MTOR: variants seen among roughly 807,000 people sequenced by gnomAD.
MTOR encodes serine/threonine-protein kinase mTOR.
Under a neutral mutation model 319.8 loss-of-function variants are expected in MTOR, and 70 were observed. The observed-to-expected ratio is 0.22, with a 90% CI of 0.18 to 0.27. MTOR has a LOEUF of 0.27. Among genes scored for constraint, MTOR ranks in the 10% least tolerant of loss-of-function variants. MTOR has a pLI of 1.00. For missense variants in MTOR, 1,890 were observed against 3,274.4 expected (o/e 0.58, Z 10.32); for synonymous variants, 1,183 against 1,211.4 (o/e 0.98, Z 0.49).
intron 28 of MTOR, among the ~76,000 whole-genome samples, chr1:11,186,480 A>C (rs1645327925): frequency 6.6e-6 from 1 of 152,216 alleles, no homozygotes. Context: ...CTTAATTTTC[A>C]TAAACACCTT....
intron 28 of MTOR, among the ~76,000 whole-genome samples, chr1:11,172,418 C>A (rs1373781632): frequency 6.8e-6 from 1 of 147,448 alleles, no homozygotes; most frequent in East Asian, 2.0e-4. Context: ...GTTAGCCAGG[C>A]ATGGTGGTGG....
In MTOR at chr1:11,128,685, C is replaced by CTAAAAGAAA; in HGVS notation, c.5812-142_5812-134dup. The CTAAAAGAAA allele has an allele frequency of 9.0e-7, 1 of 1,108,200 alleles. No individual in the cohort carries two copies. The highest frequency in any genetic ancestry group is 1.3e-6 in the Non-Finnish European group (1 of 762,906). 68.6% of individuals were successfully genotyped at this position (1,108,200 alleles called of 1,614,324 possible). A position where few individuals can be genotyped will look rare whatever the true frequency, so the allele number is the denominator to read the frequency against. On this transcript the variant is annotated intron_variant, in intron 41 of 57. Transcript: ENST00000361445. The surrounding 1 kb of genome is among the most constrained non-coding windows in gnomAD (Gnocchi z 5.3). ...TGGTTCATTCCCTTCCCTTTAGTTT[C>CTAAAAGAAA]TAAAAGAAAATAAAGAAAATATGGA... is the stretch of plus-strand genomic sequence containing the variant.
At chr1:11,155,626 C>T (rs1644292118) in intron 30 of MTOR, among the ~76,000 whole-genome samples, 1 of 152,180 alleles carries the variant, frequency 6.6e-6, no homozygotes, top group Non-Finnish European at 1.5e-5. Flanking sequence ...TAAAATCCCC[C>T]ATACTGTGCT....
intron 38 of MTOR, chr1:11,131,711 A>T (rs1358308754): frequency 6.6e-6 from 1 of 152,210 alleles, no homozygotes; most frequent in Non-Finnish European, 1.5e-5. Context: ...ACAGCGTACC[A>T]CCACTTGGTT....
At chr1:11,159,320 G>A (rs1644404616) in intron 29 of MTOR, among the ~76,000 whole-genome samples, 1 of 152,176 alleles carries the variant, frequency 6.6e-6, no homozygotes, top group Non-Finnish European at 1.5e-5. Context: ...ATCATCTGGA[G>A]AAATGCTGTC....
chr1:11,191,497 C>T (rs1645529135), intron 28 of MTOR, among the ~76,000 whole-genome samples: 1 of 152,156 alleles, frequency 6.6e-6, no homozygotes, highest in Admixed American at 6.5e-5. Context: ...ACATAGCAGG[C>T]AGGAAGCTTC....
intron 54 of MTOR, 143 bp downstream of exon 54, chr1:11,112,709 A>G (rs1641953809): frequency 1.2e-6 from 1 of 829,340 alleles, no homozygotes. Flanking sequence ...ACTGAAGCCC[A>G]CCCCACTCTA....
intron 34 of MTOR, among the ~76,000 whole-genome samples, chr1:11,140,353 T>G (rs1205984721): frequency 6.6e-6 from 1 of 151,796 alleles, no homozygotes; most frequent in East Asian, 1.9e-4. Flanking sequence ...CATCAGGCAT[T>G]AGATTCTCAT....
rs755912242 is a variant in MTOR, at chr1:11,117,126, C to A, written c.6934-40G>T. The A allele has an allele frequency of 4.0e-6, 6 of 1,492,238 alleles. No homozygotes were observed. The South Asian group carries it at 7.2e-5, about 18-fold the overall frequency. The allele number at this position is 1,492,238 out of a possible 1,614,324, so 92.4% of individuals were successfully genotyped here. On this transcript the variant is annotated intron_variant, in intron 49 of 57. Coordinates refer to ENST00000361445, the MANE Select transcript of MTOR (RefSeq NM_004958.4). ...TGCATGTGAACTACGGTTCTGGAAA[C>A]TTTAATTTCAACATAATTATACTCT...
At chr1:11,112,556 A>T (rs747432896) in intron 54 of MTOR, among the ~76,000 whole-genome samples, 4 of 152,184 alleles carry the variant, frequency 2.6e-5, no homozygotes, top group Non-Finnish European at 5.9e-5. Context: ...CCACGAGAAA[A>T]CTAGATTTAC....
At chr1:11,126,503 G>C in intron 46 of MTOR, 119 bp downstream of exon 46, 2 of 1,144,704 alleles carry the variant, frequency 1.7e-6, no homozygotes, top group Non-Finnish European at 2.5e-6. Context: ...GAGCATGGGA[G>C]AGATGTAGCT....
At chr1:11,207,889 T>C (rs1646190769) in intron 25 of MTOR, among the ~76,000 whole-genome samples, 1 of 152,164 alleles carries the variant, frequency 6.6e-6, no homozygotes, top group Non-Finnish European at 1.5e-5. Context: ...TCAGGTGAGA[T>C]AAACTAAGAG....
At chr1:11,225,601 T>C (rs1160000481) in intron 19 of MTOR, among the ~76,000 whole-genome samples, 1 of 152,110 alleles carries the variant, frequency 6.6e-6, no homozygotes, top group Non-Finnish European at 1.5e-5. Context: ...TTTGTATTTT[T>C]AGTAGAGATG....
chr1:11,193,724 C>G lies in MTOR; in HGVS notation c.4253+5534G>C, dbSNP rs762015053. On this transcript the variant is annotated intron_variant, in intron 28 of 57. Transcript: ENST00000361445. The stretch of plus-strand genomic sequence containing the variant: ...TGGGGACTTCTGGCTGGGGAACGAA[C>G]ACATCCACCGGCTCTCCAGACAGCC... 1.1e-5 allele frequency: 18 copies of G among 1,614,002 alleles called. 1 individual carries two copies. The highest frequency in any genetic ancestry group is 8.8e-5 in the South Asian group (8 of 91,080).
At chr1:11,216,078 C>A in intron 20 of MTOR, 70 bp downstream of exon 20, 2 of 1,099,370 alleles carry the variant, frequency 1.8e-6, no homozygotes, top group South Asian at 1.3e-5. Flanking sequence ...AAGTCTATGT[C>A]ATTCAAACTT....
intron 47 of MTOR, among the ~76,000 whole-genome samples, chr1:11,122,907 A>G (rs1044470927): frequency 6.6e-6 from 1 of 152,240 alleles, no homozygotes; most frequent in Non-Finnish European, 1.5e-5. Flanking sequence ...AAGACAGTGC[A>G]CTGATGGTGC....
chr1:11,213,446 G>A lies in MTOR; in HGVS notation c.3238C>T (p.Arg1080Cys), dbSNP rs751901845. ...GGGCTGTTGTCATGCATGAAGACAC[G>A]CAGCATGTGTGGGATCAGCTGGGGC... ...YLPQLIPHMLRVFMHDNSPGR... is the reference protein window; with the variant it reads ...YLPQLIPHMLCVFMHDNSPGR... Residue 1080 changes from arginine (R) to cysteine (C), a missense_variant, in exon 21 of 58, where the codon CGT becomes TGT. Arg to Cys is a radical substitution (Grantham distance 180). Transcript: ENST00000361445. 84 of 1,613,536 alleles carry A rather than the reference G, an allele frequency of 5.2e-5. No individual in the cohort carries two copies. Among genetic ancestry groups the A allele is most frequent in the Non-Finnish European group, 6.9e-5 (82 of 1,180,004 alleles).
chr1:11,181,930 A>C (rs1315002820), intron 28 of MTOR, among the ~76,000 whole-genome samples: 1 of 152,178 alleles, frequency 6.6e-6, no homozygotes, highest in Non-Finnish European at 1.5e-5. Flanking sequence ...AAAAAGTACA[A>C]ACCGAGGCCA....
At chr1:11,189,268 G>C (rs1169088895) in intron 28 of MTOR, 1 of 257,436 alleles carries the variant, frequency 3.9e-6, no homozygotes. Context: ...CAGATGAGCT[G>C]GGAGGGGCTA....
Sources: allele counts gnomAD v4.1 joint callset (sites outside exome capture counted in the v4.1 genomes callset), GRCh38; gene constraint gnomAD v4.1.1; non-coding constraint Gnocchi (gnomAD v3.1); transcripts MANE v1.5; gene names NCBI Gene and HGNC (gene_info 2026-07-23, HGNC 2026-07-21).